The following MFSD6 variants were observed in gnomAD, a reference collection of about 807,000 sequenced individuals.
MFSD6 encodes the protein major facilitator superfamily domain-containing protein 6.
MFSD6 carries 26 observed loss-of-function variants against 56.3 expected under a neutral mutation model. That is an observed-to-expected ratio of 0.46 (90% CI 0.34 to 0.64). MFSD6 has a LOEUF of 0.64. Ranked by LOEUF, MFSD6 falls within the 30% of genes least tolerant of loss-of-function variation. The pLI, the probability that MFSD6 is intolerant of heterozygous loss-of-function variation, is 0.01. For synonymous variants in MFSD6, 331 were observed against 366.9 expected, an observed-to-expected ratio of 0.90 and a Z score of 1.12; for missense variants, 750 against 986.2, an observed-to-expected ratio of 0.76 and a Z score of 3.21.
rs573291913 is a variant in MFSD6, at chr2:190,433,553, A to G, written c.-53-2424A>G. On this transcript the variant is annotated intron_variant, in intron 2 of 7. Transcript: ENST00000392328. This position sits in a 1 kb window ranked among gnomAD's most constrained non-coding sequence, Gnocchi z 4.5. Reference sequence around the variant, plus strand: ...GGTGGTGGCCATATACATTGTGAATATAGTAAATTACCGCTGAATTGTTCA... The same window carrying G: ...GGTGGTGGCCATATACATTGTGAATGTAGTAAATTACCGCTGAATTGTTCA... Among the ~76,000 whole-genome samples, 40 of 152,348 alleles carry G rather than the reference A, an allele frequency of 2.6e-4. No homozygotes were observed. Among genetic ancestry groups the G allele is most frequent in the African/African-American group, 9.4e-4 (39 of 41,588 alleles).
intron 3 of MFSD6, among the ~76,000 whole-genome samples, chr2:190,453,605 G>T (rs1390790188): frequency 1.3e-5 from 2 of 152,174 alleles, no homozygotes; most frequent in Admixed American, 6.5e-5. Context: ...TGCTTCTAAC[G>T]TGGGCATAAA....
Position 190,501,618 on chromosome 2 carries a change from A to C in MFSD6, c.*1400A>C, listed in dbSNP as rs1004205854. The C allele has an allele frequency of 2.0e-5, 3 of 152,464 alleles. No homozygotes were observed. The highest frequency in any genetic ancestry group is 2.9e-5 in the Non-Finnish European group (2 of 68,046). The allele number at this position is 152,464 out of a possible 1,614,324, so 9.4% of individuals were successfully genotyped here. ...AATGAGCAACTCACCTTACCCTCTG[A>C]CCCTGATTAGACAGGATCAATTGTA... is the stretch of plus-strand genomic sequence containing the variant. On this transcript the variant is annotated 3_prime_UTR_variant, in exon 8 of 8. Coordinates refer to ENST00000392328, the MANE Select transcript of MFSD6 (RefSeq NM_017694.4).
Position 190,412,098 on chromosome 2 carries a change from G to A in MFSD6, c.-175-3194G>A, listed in dbSNP as rs1016226491. On this transcript the variant is annotated intron_variant, in intron 1 of 7. Coordinates refer to ENST00000392328, the MANE Select transcript of MFSD6 (RefSeq NM_017694.4). The surrounding 1 kb of genome is among the most constrained non-coding windows in gnomAD (Gnocchi z 4.1). ...AAAGTTAAACTAATCTGATGCATAT[G>A]TACTTGTTAAATACAGTCCCATAGT... 3 of 984,544 alleles carry A rather than the reference G, an allele frequency of 3.0e-6. No homozygotes were observed. Among genetic ancestry groups the A allele is most frequent in the Non-Finnish European group, 3.6e-6 (3 of 829,286 alleles). 61.0% of individuals were successfully genotyped at this position (984,544 alleles called of 1,614,324 possible). A position where few individuals can be genotyped will look rare whatever the true frequency, so the allele number is the denominator to read the frequency against.
rs180737760 is a variant in MFSD6, at chr2:190,417,280, C to T, written c.-54+1867C>T. The stretch of plus-strand genomic sequence containing the variant: ...TGGATCATTAGCGGTAAGATCAGCA[C>T]ACCAAAATAAAAGTTCAAATGTTGG... On this transcript the variant is annotated intron_variant, in intron 2 of 7. Coordinates refer to ENST00000392328, the MANE Select transcript of MFSD6 (RefSeq NM_017694.4). The surrounding 1 kb of genome is among the most constrained non-coding windows in gnomAD (Gnocchi z 5.7). Among the ~76,000 whole-genome samples, 4 of 152,298 alleles carry T rather than the reference C, an allele frequency of 2.6e-5. No homozygotes were observed. In the East Asian group the frequency reaches 7.7e-4, roughly 29 times the overall value.
At chr2:190,475,588 C>T (rs1163457769) in intron 4 of MFSD6, among the ~76,000 whole-genome samples, 2 of 152,182 alleles carry the variant, frequency 1.3e-5, no homozygotes, top group African/African-American at 4.8e-5. Flanking sequence ...AAGAACATTC[C>T]ATGCTCATGG....
At chr2:190,414,995 G>A (rs928412778) in intron 1 of MFSD6, among the ~76,000 whole-genome samples, 3 of 152,002 alleles carry the variant, frequency 2.0e-5, no homozygotes, top group African/African-American at 7.2e-5. Flanking sequence ...CCCATGATAT[G>A]GATATAAGAT....
chr2:190,411,063 G>GA (rs1275550515), intron 1 of MFSD6: 63,277 of 625,330 alleles, frequency 0.1, no homozygotes, highest in Non-Finnish European at 0.11. Flanking sequence ...TCAAAAAAAA[G>GA]AAAAAAAAAA....
At chr2:190,432,749 T>G (rs1013777338) in intron 2 of MFSD6, among the ~76,000 whole-genome samples, 4 of 152,012 alleles carry the variant, frequency 2.6e-5, no homozygotes, top group African/African-American at 9.7e-5. Flanking sequence ...CAGAGGAAAA[T>G]AACCTGCATT....
intron 3 of MFSD6, among the ~76,000 whole-genome samples, chr2:190,460,987 G>C (rs1442334081): frequency 6.6e-6 from 1 of 152,166 alleles, no homozygotes; most frequent in Non-Finnish European, 1.5e-5. Context: ...GTCTGACACA[G>C]AACACCATTT....
rs140810401 is a variant in MFSD6, at chr2:190,499,977, T to C, written c.2173-38T>C. ...TATAAAAAGTTGGATTTATTTGCTATCACTGATCATGGGGCATCTCCTGTT... is the reference window on the plus strand; with the variant it reads ...TATAAAAAGTTGGATTTATTTGCTACCACTGATCATGGGGCATCTCCTGTT... On this transcript the variant is annotated intron_variant, in intron 7 of 7. Transcript: ENST00000392328. The surrounding 1 kb of genome is among the most constrained non-coding windows in gnomAD (Gnocchi z 6.0). The C allele has an allele frequency of 1.2e-6, 2 of 1,610,410 alleles. No homozygotes were observed. Among genetic ancestry groups the C allele is most frequent in the East Asian group, 4.5e-5 (2 of 44,882 alleles).
At chr2:190,432,943 C>T (rs1686058384) in intron 2 of MFSD6, among the ~76,000 whole-genome samples, 1 of 152,102 alleles carries the variant, frequency 6.6e-6, no homozygotes, top group East Asian at 1.9e-4. Context: ...TCAGGGATTC[C>T]GAGTAGTAAA....
At position 190,418,775 on chromosome 2, in the gene MFSD6, A is replaced by G. The variant is rs1438838804; in HGVS notation, c.-54+3362A>G. 2.6e-5 allele frequency among the ~76,000 whole-genome samples: 4 copies of G among 152,242 alleles called. No individual in the cohort carries two copies. In the East Asian group the frequency reaches 5.8e-4, roughly 22 times the overall value. ...CTATCTAAAAAAACAAAACAAAACA[A>G]AAGAATGACAAGGGTGCCAGGTTCT... On this transcript the variant is annotated intron_variant, in intron 2 of 7. Transcript: ENST00000392328. This position sits in a 1 kb window ranked among gnomAD's most constrained non-coding sequence, Gnocchi z 4.1.
rs1369102993 is a variant in MFSD6 at position 190,463,852 on chromosome 2, AAG to A, written c.1533-5905_1533-5904del. On this transcript the variant is annotated intron_variant, in intron 3 of 7. Transcript: ENST00000392328. This position sits in a 1 kb window ranked among gnomAD's most constrained non-coding sequence, Gnocchi z 4.4. ...AATAAATAAATAAAATAAAAATAAA[AAG>A]CTGAGAATGATGGAGCCCAATCTAA... 1.0e-6 allele frequency: 1 copy of A among 976,900 alleles called. No individual in the cohort carries two copies. 60.5% of individuals were successfully genotyped at this position (976,900 alleles called of 1,614,324 possible). A position where few individuals can be genotyped will look rare whatever the true frequency, so the allele number is the denominator to read the frequency against.
rs1040567607 is a variant in MFSD6 at position 190,431,377 on chromosome 2, G to A, written c.-53-4600G>A. Among the ~76,000 whole-genome samples, 8 of 152,332 alleles carry A rather than the reference G, an allele frequency of 5.3e-5. No individual in the cohort carries two copies. Among genetic ancestry groups the A allele is most frequent in the African/African-American group, 1.4e-4 (6 of 41,572 alleles). On this transcript the variant is annotated intron_variant, in intron 2 of 7. Coordinates refer to ENST00000392328, the MANE Select transcript of MFSD6 (RefSeq NM_017694.4). This position sits in a 1 kb window ranked among gnomAD's most constrained non-coding sequence, Gnocchi z 4.4. ...GCAGCTGGGAGGTGGAGGTTGTAGC[G>A]AGCCGAGATCACCCCACTGCACTCC...
Position 190,424,657 on chromosome 2 carries a change from G to A in MFSD6, c.-54+9244G>A, listed in dbSNP as rs900978472. Among the ~76,000 whole-genome samples, 101 of 152,170 alleles carry A rather than the reference G, an allele frequency of 6.6e-4. No homozygotes were observed. Among genetic ancestry groups the A allele is most frequent in the African/African-American group, 1.9e-3 (80 of 41,514 alleles). ...CCGAGTTTCATTATTTTTGCCCATG[G>A]ATGTCTAATTACCTCAGCACCATTT... On this transcript the variant is annotated intron_variant, in intron 2 of 7. Transcript: ENST00000392328. The surrounding 1 kb of genome is among the most constrained non-coding windows in gnomAD (Gnocchi z 5.9).
chr2:190,482,633 C>T (rs918287639), intron 4 of MFSD6, among the ~76,000 whole-genome samples: 7 of 151,994 alleles, frequency 4.6e-5, no homozygotes, highest in Non-Finnish European at 1.0e-4. Context: ...AGCCAAGCAA[C>T]AGTTTACAAA....
Position 190,497,578 on chromosome 2 carries a change from G to A in MFSD6, c.2031G>A (p.Gln677=). Residue 677 remains glutamine, a synonymous_variant, in exon 7 of 8, where the codon CAG becomes CAA. Transcript: ENST00000392328. The surrounding 1 kb of genome is among the most constrained non-coding windows in gnomAD (Gnocchi z 5.2). ...TTCCACCCAAGAAAACTAAGCACCAGGAAGAACAGGAAGATGTGAACAAAC... is the reference window on the plus strand; with the variant it reads ...TTCCACCCAAGAAAACTAAGCACCAAGAAGAACAGGAAGATGTGAACAAAC... ...PRLPPKKTKH[Q]EEQEDVNKPA... 6.2e-7 allele frequency: 1 copy of A among 1,614,150 alleles called. No individual in the cohort carries two copies. Among genetic ancestry groups the A allele is most frequent in the Non-Finnish European group, 8.5e-7 (1 of 1,180,030 alleles).
At chr2:190,435,906 G>T in intron 2 of MFSD6, 71 bp from the exon 3 acceptor site, 1 of 1,278,796 alleles carries the variant, frequency 7.8e-7, no homozygotes, top group Non-Finnish European at 1.1e-6. Context: ...TTAATTTCCT[G>T]CAAGATGAAG....
chr2:190,450,663 T>C (rs1369654698), intron 3 of MFSD6, among the ~76,000 whole-genome samples: 1 of 151,910 alleles, frequency 6.6e-6, no homozygotes, highest in Non-Finnish European at 1.5e-5. Flanking sequence ...CAGCTAAGTT[T>C]TGTATTTTTT....
Sources: gnomAD v4.1 joint callset for allele counts (sites outside exome capture counted in the v4.1 genomes callset) on GRCh38, gnomAD v4.1.1 for gene constraint, Gnocchi (gnomAD v3.1) non-coding constraint, MANE v1.5 for transcripts, NCBI Gene and HGNC (gene_info 2026-07-23, HGNC 2026-07-21) for gene names.